The following ECPAS variants were observed in gnomAD, a reference collection of about 807,000 sequenced individuals.
ECPAS encodes Ecm29 proteasome adaptor and scaffold.
Under a neutral mutation model 255.1 loss-of-function variants are expected in ECPAS, and 70 were observed. The observed-to-expected ratio is 0.27, with a 90% CI of 0.23 to 0.33. The LOEUF (loss-of-function observed/expected upper bound fraction) is 0.33, where lower values mean the gene tolerates loss of function less well. ECPAS is among the 10% of genes least tolerant of loss of function. ECPAS has a pLI of 1.00. For synonymous variants in ECPAS, 784 were observed against 775.0 expected (o/e 1.01, Z -0.19); for missense variants, 1,817 against 2,206.4 (o/e 0.82, Z 3.54).
At chr9:111,471,067 A>C (rs1458289409) in intron 2 of ECPAS, among the ~76,000 whole-genome samples, 1 of 152,232 alleles carries the variant, frequency 6.6e-6, no homozygotes, top group Non-Finnish European at 1.5e-5. Context: ...ACGATCGTTA[A>C]GATCCACCCA....
chr9:111,373,976 GTAA>G lies in ECPAS; in HGVS notation c.4170_4172del (p.Tyr1391del). On this transcript the variant is annotated inframe_deletion, in exon 39 of 50. Coordinates refer to ENST00000684092, the MANE Select transcript of ECPAS (RefSeq NM_001364929.1). Reference sequence around the variant, plus strand: ...CACATCCCTTGACAAACTCACCTGAGTAAGGTGTTAGGTCCTGAGGACACTGAG... The same window carrying G: ...CACATCCCTTGACAAACTCACCTGAGGGTGTTAGGTCCTGAGGACACTGAG... 6.2e-7 allele frequency: 1 copy of G among 1,611,074 alleles called. No individual in the cohort carries two copies. Among genetic ancestry groups the G allele is most frequent in the Non-Finnish European group, 8.5e-7 (1 of 1,177,222 alleles).
At chr9:111,481,196 T>C (rs1217638098) in intron 1 of ECPAS, among the ~76,000 whole-genome samples, 1 of 152,126 alleles carries the variant, frequency 6.6e-6, no homozygotes, top group Non-Finnish European at 1.5e-5. Context: ...ACAACCACTG[T>C]CAAAAACAGT....
intron 46 of ECPAS, among the ~76,000 whole-genome samples, chr9:111,366,890 C>T (rs552214919): frequency 6.6e-6 from 1 of 152,290 alleles, no homozygotes; most frequent in Admixed American, 6.5e-5. Context: ...TCAGAAACTG[C>T]CCCCACAAAG....
intron 26 of ECPAS, among the ~76,000 whole-genome samples, 174 bp from the exon 27 acceptor site, chr9:111,393,908 C>G (rs537432644): frequency 6.6e-5 from 10 of 152,206 alleles, no homozygotes; most frequent in African/African-American, 2.4e-4. Context: ...ACCACTTACA[C>G]GTAGTCTAAC....
chr9:111,385,535 C>G (rs2098146926), intron 32 of ECPAS, 93 bp from the exon 33 acceptor site: 2 of 767,298 alleles, frequency 2.6e-6, no homozygotes, highest in Non-Finnish European at 4.3e-6. Context: ...GATTCTGCCT[C>G]TAATTCGAGT....
chr9:111,455,996 G>T (rs2098266492), intron 2 of ECPAS, among the ~76,000 whole-genome samples: 2 of 152,126 alleles, frequency 1.3e-5, no homozygotes, highest in Non-Finnish European at 2.9e-5. Flanking sequence ...CTCCTGGCAG[G>T]TATATTTACC....
chr9:111,394,231 G>T lies in ECPAS; in HGVS notation c.2851C>A (p.His951Asn), dbSNP rs1422574089. The T allele has an allele frequency of 6.2e-7, 1 of 1,608,578 alleles. No individual in the cohort carries two copies. Among genetic ancestry groups the T allele is most frequent in the Non-Finnish European group, 8.5e-7 (1 of 1,177,250 alleles). Reference protein sequence around the residue: ...LNKHIISPNPHVRQAACIWLL... With the variant: ...LNKHIISPNPNVRQAACIWLL... ...CAGATGCAGGCTGCTTGCCTCACGT[G>T]TGGGTTGGGGCTGATGATATGTTTA... is the stretch of plus-strand genomic sequence containing the variant. The change falls in exon 26 of 50, where the codon CAC becomes AAC. Residue 951 changes from histidine to asparagine, a missense_variant. This residue lies in a region of ECPAS where 960 missense variants were observed against 1,179.0 expected (regional missense o/e 0.81). Transcript: ENST00000684092.
intron 2 of ECPAS, among the ~76,000 whole-genome samples, chr9:111,469,370 T>C (rs1050850012): frequency 1.3e-5 from 2 of 151,300 alleles, no homozygotes; most frequent in Admixed American, 1.3e-4. Flanking sequence ...CTGTCTATAC[T>C]AAACATACAA....
At chr9:111,457,090 T>A (rs2098267842) in intron 2 of ECPAS, among the ~76,000 whole-genome samples, 1 of 152,144 alleles carries the variant, frequency 6.6e-6, no homozygotes, top group African/African-American at 2.4e-5. Flanking sequence ...TGCAAAAAGA[T>A]CATGCAAGAT....
chr9:111,370,488 T>C lies in ECPAS; in HGVS notation c.4921A>G (p.Lys1641Glu). Residue 1641 changes from lysine (K) to glutamate (E), a missense_variant, in exon 45 of 50, where the codon AAA becomes GAA. By Grantham distance (56) the Lys-to-Glu change is moderately conservative. This residue lies in a region of ECPAS where 960 missense variants were observed against 1,179.0 expected (regional missense o/e 0.81). Transcript: ENST00000684092. ...GAGAACTCCTGGAATCTGTCCTCTT[T>C]GGTGGCCTTCAAGATATCAGCTGCA... ...SCAADILKAT[K>E]EDRFQEFSNI... The C allele has an allele frequency of 6.2e-7, 1 of 1,611,346 alleles. No homozygotes were observed. Among genetic ancestry groups the C allele is most frequent in the Non-Finnish European group, 8.5e-7 (1 of 1,178,762 alleles).
intron 9 of ECPAS, among the ~76,000 whole-genome samples, chr9:111,429,872 A>C (rs2098227297): frequency 6.6e-6 from 1 of 152,174 alleles, no homozygotes; most frequent in African/African-American, 2.4e-5. Context: ...GCATGCAAAC[A>C]AATAATCCTT....
intron 24 of ECPAS, among the ~76,000 whole-genome samples, chr9:111,401,037 T>C (rs2098175187): frequency 6.6e-6 from 1 of 151,908 alleles, no homozygotes; most frequent in Admixed American, 6.6e-5. Flanking sequence ...GCAAGTAAGA[T>C]ATAAAGGAGC....
chr9:111,421,354 T>A (rs901060189), intron 15 of ECPAS, among the ~76,000 whole-genome samples: 1 of 151,750 alleles, frequency 6.6e-6, no homozygotes, highest in African/African-American at 2.4e-5. Flanking sequence ...TTTCTACTCC[T>A]AAAAATGTGG....
rs2098224989 is a variant in ECPAS, at chr9:111,428,518, T to G, written c.931-357A>C. On this transcript the variant is annotated intron_variant, in intron 9 of 49. Coordinates refer to ENST00000684092, the MANE Select transcript of ECPAS (RefSeq NM_001364929.1). ...CATTGTCTACTAATCTCTTCAATGTTCGCCTTACTACAAGAGAAATGAATT... is the reference window on the plus strand; with the variant it reads ...CATTGTCTACTAATCTCTTCAATGTGCGCCTTACTACAAGAGAAATGAATT... Among the ~76,000 whole-genome samples the G allele has an allele frequency of 1.3e-5, 2 of 152,222 alleles. 1 individual carries two copies. Among genetic ancestry groups the G allele is most frequent in the Admixed American group, 1.3e-4 (2 of 15,276 alleles).
intron 9 of ECPAS, among the ~76,000 whole-genome samples, chr9:111,428,519 C>T (rs546518488): frequency 1.1e-4 from 16 of 152,188 alleles, no homozygotes; most frequent in South Asian, 4.1e-4. Context: ...CTTCAATGTT[C>T]GCCTTACTAC....
At chr9:111,376,420 G>T in intron 37 of ECPAS, 56 bp downstream of exon 37, 2 of 1,375,552 alleles carry the variant, frequency 1.5e-6, no homozygotes, top group Non-Finnish European at 1.0e-6. Flanking sequence ...AGACTTTGAA[G>T]AATTACACTT....
chr9:111,364,003 G>A (rs2098117232), intron 48 of ECPAS, among the ~76,000 whole-genome samples: 1 of 152,104 alleles, frequency 6.6e-6, no homozygotes, highest in South Asian at 2.1e-4. Flanking sequence ...ACGATCCTTA[G>A]GTCTACATGA....
chr9:111,482,025 A>C (rs1244935053), intron 1 of ECPAS, among the ~76,000 whole-genome samples: 2 of 152,236 alleles, frequency 1.3e-5, no homozygotes, highest in Non-Finnish European at 2.9e-5. Context: ...GATGGTGGTG[A>C]TGATTACACA....
intron 49 of ECPAS, among the ~76,000 whole-genome samples, chr9:111,362,760 C>G (rs190910284): frequency 6.6e-6 from 1 of 152,136 alleles, no homozygotes; most frequent in Non-Finnish European, 1.5e-5. Flanking sequence ...TGCCTTCAGC[C>G]TTATTTTCCT....
Sources: allele counts gnomAD v4.1 joint callset (sites outside exome capture counted in the v4.1 genomes callset), GRCh38; gene constraint gnomAD v4.1.1; regional missense constraint gnomAD v4.1.1; transcripts MANE v1.5; gene names NCBI Gene and HGNC (gene_info 2026-07-23, HGNC 2026-07-21).